The following STK32B variants were observed in gnomAD, a reference collection of about 807,000 sequenced individuals.
STK32B encodes the protein serine/threonine kinase 32B, also known as serine/threonine-protein kinase 32B.
STK32B carries 43 observed loss-of-function variants against 52.6 expected under a neutral mutation model. The observed-to-expected ratio is 0.82, with a 90% confidence interval of 0.64 to 1.05. The LOEUF (loss-of-function observed/expected upper bound fraction) is 1.05, where lower values mean the gene tolerates loss of function less well. STK32B is among the 50% of genes least tolerant of loss of function. STK32B has a pLI of 0.00. For missense variants in STK32B, 621 were observed against 534.6 expected (o/e 1.16, Z -1.59); for synonymous variants, 238 against 204.3 (o/e 1.17, Z -1.41).
At chr4:5,323,835 G>A (rs1731689106) in intron 3 of STK32B, among the ~76,000 whole-genome samples, 1 of 152,204 alleles carries the variant, frequency 6.6e-6, no homozygotes, top group Non-Finnish European at 1.5e-5. Flanking sequence ...GACCAGAAGA[G>A]CAATGGTGAC....
chr4:5,090,296 C>G (rs1712998847), intron 1 of STK32B, among the ~76,000 whole-genome samples: 1 of 151,302 alleles, frequency 6.6e-6, no homozygotes, highest in Non-Finnish European at 1.5e-5. Flanking sequence ...ATGACTGTGT[C>G]CTGAATAGTA....
chr4:5,148,567 A>G (rs73210272), intron 2 of STK32B, among the ~76,000 whole-genome samples: 1 of 151,834 alleles, frequency 6.6e-6, no homozygotes, highest in Non-Finnish European at 1.5e-5. Context: ...TATTGGTTCT[A>G]ATTTTTTTCA....
intron 3 of STK32B, among the ~76,000 whole-genome samples, chr4:5,330,640 T>A (rs932072209): frequency 6.6e-6 from 1 of 152,212 alleles, no homozygotes; most frequent in South Asian, 2.1e-4. Context: ...GGAACTCAGC[T>A]GTGGATCTGG....
intron 3 of STK32B, among the ~76,000 whole-genome samples, chr4:5,317,690 G>T (rs1007303841): frequency 6.7e-6 from 1 of 149,982 alleles, no homozygotes; most frequent in African/African-American, 2.5e-5. Context: ...GGTGCCATCT[G>T]CAAAGAGCTC....
intron 3 of STK32B, among the ~76,000 whole-genome samples, chr4:5,299,453 G>T (rs1729416050): frequency 6.6e-6 from 1 of 151,964 alleles, no homozygotes; most frequent in South Asian, 2.1e-4. Context: ...TGTGTATTGT[G>T]AGACATGTCA....
chr4:5,218,994 C>T (rs909762014), intron 3 of STK32B, among the ~76,000 whole-genome samples: 3 of 152,226 alleles, frequency 2.0e-5, no homozygotes, highest in African/African-American at 7.2e-5. Flanking sequence ...GCCCTCGGTA[C>T]TCCAGACCAG....
At chr4:5,401,542 T>C (rs1315196062) in intron 5 of STK32B, among the ~76,000 whole-genome samples, 1 of 152,224 alleles carries the variant, frequency 6.6e-6, no homozygotes, top group African/African-American at 2.4e-5. Flanking sequence ...GGGTTTTATG[T>C]CTTGGAATGG....
At chr4:5,287,100 G>A (rs1728601675) in intron 3 of STK32B, among the ~76,000 whole-genome samples, 1 of 151,998 alleles carries the variant, frequency 6.6e-6, no homozygotes, top group Admixed American at 6.6e-5. Flanking sequence ...CCAGCCAGGT[G>A]TACACTTTTG....
At chr4:5,096,424 G>A (rs1713396816) in intron 1 of STK32B, among the ~76,000 whole-genome samples, 1 of 152,118 alleles carries the variant, frequency 6.6e-6, no homozygotes, top group South Asian at 2.1e-4. Flanking sequence ...GTGGCCATGC[G>A]AGCCAAGGAA....
In STK32B at chr4:5,450,133, G is replaced by T. The variant is rs1185041962; in HGVS notation, c.666+3357G>T. Among the ~76,000 whole-genome samples, 3 of 152,096 alleles carry T rather than the reference G, an allele frequency of 2.0e-5. 1 individual carries two copies. Among genetic ancestry groups the T allele is most frequent in the South Asian group, 4.2e-4 (2 of 4,818 alleles). On this transcript the variant is annotated intron_variant, in intron 7 of 11. Coordinates refer to ENST00000282908, the MANE Select transcript of STK32B (RefSeq NM_018401.3). ...GTTGGAGCTTGTAGGCTAGACAAGA[G>T]ACCTAAGTAGGATCCAACTTCTCTC...
At chr4:5,031,694 A>G in the STK32B span, among the ~76,000 whole-genome samples, 15 of 152,186 alleles carry the variant, frequency 9.9e-5, no homozygotes, top group Non-Finnish European at 1.8e-4. Context: ...CTCTTTGCAC[A>G]GGGATGTAAG....
chr4:5,498,975 G>C lies in STK32B; in HGVS notation c.1137G>C (p.Gln379His). 1 of 1,613,706 alleles carries C rather than the reference G, an allele frequency of 6.2e-7. No individual in the cohort carries two copies. Among genetic ancestry groups the C allele is most frequent in the Non-Finnish European group, 8.5e-7 (1 of 1,179,746 alleles). Residue 379 changes from glutamine (Q) to histidine (H), a missense_variant, in exon 12 of 12, where the codon CAG (glutamine) becomes CAC (histidine). Transcript: ENST00000282908. ...KLRRQQGQGS[Q>H]LLDTDSRGGG... Reference sequence around the variant, plus strand: ...GGAGGCAGCAGGGACAGGGCAGCCAGCTCTTGGACACCGACAGCCGAGGGG... The same window carrying C: ...GGAGGCAGCAGGGACAGGGCAGCCACCTCTTGGACACCGACAGCCGAGGGG...
chr4:5,491,871 C>T (rs2108726778), intron 11 of STK32B, among the ~76,000 whole-genome samples: 1 of 152,238 alleles, frequency 6.6e-6, no homozygotes, highest in South Asian at 2.1e-4. Context: ...TCAGGTTTGT[C>T]AAAGATCAGA....
At chr4:5,287,609 A>G (rs538380520) in intron 3 of STK32B, among the ~76,000 whole-genome samples, 39 of 152,242 alleles carry the variant, frequency 2.6e-4, no homozygotes, top group Admixed American at 9.2e-4. Flanking sequence ...TCCTGCCCCA[A>G]TCAGTTTCAT....
At chr4:5,493,188 G>T (rs979755114) in intron 11 of STK32B, among the ~76,000 whole-genome samples, 1 of 151,960 alleles carries the variant, frequency 6.6e-6, no homozygotes, top group Non-Finnish European at 1.5e-5. Context: ...GATAGAATTC[G>T]GCTGTGAATC....
chr4:5,397,504 C>T (rs1423613131), intron 4 of STK32B, among the ~76,000 whole-genome samples: 1 of 152,198 alleles, frequency 6.6e-6, no homozygotes, highest in Non-Finnish European at 1.5e-5. Context: ...TCCAGAAACT[C>T]CTCTGCCCAG....
intron 3 of STK32B, among the ~76,000 whole-genome samples, chr4:5,205,830 A>G (rs1722540522): frequency 6.6e-6 from 1 of 151,916 alleles, no homozygotes; most frequent in Non-Finnish European, 1.5e-5. Context: ...CCTTGGGGGA[A>G]TTCTCTTTCA....
Position 5,486,442 on chromosome 4 carries a change from A to C in STK32B, c.1107-12503A>C, listed in dbSNP as rs115867517. ...TTGCTAAGACCGTTGTAAAAGCAGTATTAGGGTGGGAGGGACCTGATTTTC... is the reference window on the plus strand; with the variant it reads ...TTGCTAAGACCGTTGTAAAAGCAGTCTTAGGGTGGGAGGGACCTGATTTTC... On this transcript the variant is annotated intron_variant, in intron 11 of 11. Coordinates refer to ENST00000282908, the MANE Select transcript of STK32B (RefSeq NM_018401.3). Among the ~76,000 whole-genome samples the C allele has an allele frequency of 5.5e-3, 842 of 152,340 alleles. 7 individuals are homozygous for C. Among genetic ancestry groups the C allele is most frequent in the Non-Finnish European group, 8.8e-3 (599 of 68,032 alleles).
At chr4:5,221,982 C>G (rs1205787218) in intron 3 of STK32B, among the ~76,000 whole-genome samples, 1 of 152,084 alleles carries the variant, frequency 6.6e-6, no homozygotes, top group Non-Finnish European at 1.5e-5. Flanking sequence ...AAAGAGGTTT[C>G]ACACAGTGGT....
Sources: gnomAD v4.1 joint callset for allele counts (sites outside exome capture counted in the v4.1 genomes callset) on GRCh38, gnomAD v4.1.1 for gene constraint, MANE v1.5 for transcripts, NCBI Gene and HGNC (gene_info 2026-07-23, HGNC 2026-07-21) for gene names.